Variants in SCAND3 observed in about 807,000 individuals in gnomAD.
SCAND3 encodes SCAN domain-containing protein 3.
At chr6:28,613,967 CTT>C in the SCAND3 span, among the ~76,000 whole-genome samples, 39 of 143,176 alleles carry the variant, frequency 2.7e-4, no homozygotes, top group Admixed American at 2.1e-4. Flanking sequence ...CTTTTCTTTT[CTT>C]TTTTTTTTTT....
the SCAND3 span, among the ~76,000 whole-genome samples, chr6:28,596,597 A>G: frequency 6.6e-6 from 1 of 151,448 alleles, no homozygotes; most frequent in African/African-American, 2.4e-5. Flanking sequence ...TCAAAAACTT[A>G]AATAAAATAA....
chr6:28,592,644 G>A, the SCAND3 span, among the ~76,000 whole-genome samples: 1 of 152,162 alleles, frequency 6.6e-6, no homozygotes, highest in Non-Finnish European at 1.5e-5. The surrounding 1 kb of genome is among the most constrained non-coding windows in gnomAD (Gnocchi z 4.1). Context: ...AATGAACAAA[G>A]CTGGAAGCAT....
At chr6:28,586,220 G>A in the SCAND3 span, 1 of 1,243,764 alleles carries the variant, frequency 8.0e-7, no homozygotes, top group Non-Finnish European at 1.1e-6. This position sits in a 1 kb window ranked among gnomAD's most constrained non-coding sequence, Gnocchi z 4.4. Flanking sequence ...AACCACCAGC[G>A]CGAAATTACT....
the SCAND3 span, among the ~76,000 whole-genome samples, chr6:28,615,746 C>G: frequency 1.4e-4 from 21 of 152,112 alleles, no homozygotes; most frequent in Admixed American, 1.4e-3. Context: ...GGCATAGGAC[C>G]TTCTTCTCGT....
At chr6:28,571,872 A>C in the SCAND3 span, 1 of 1,594,112 alleles carries the variant, frequency 6.3e-7, no homozygotes, top group Non-Finnish European at 8.5e-7. Context: ...TTATATGCAT[A>C]CTTTGAACCA....
At chr6:28,599,887 C>G in the SCAND3 span, among the ~76,000 whole-genome samples, 1 of 151,694 alleles carries the variant, frequency 6.6e-6, no homozygotes, top group Non-Finnish European at 1.5e-5. Context: ...TGGAGAAAAG[C>G]ATGATTTTTT....
the SCAND3 span, among the ~76,000 whole-genome samples, chr6:28,583,395 AAACAAAC>A: frequency 5.0e-5 from 7 of 139,872 alleles, no homozygotes; most frequent in East Asian, 2.4e-4. Context: ...ACAAACAAAC[AAACAAAC>A]AACAACAACA....
At chr6:28,608,442 C>T in the SCAND3 span, among the ~76,000 whole-genome samples, 106 of 152,180 alleles carry the variant, frequency 7.0e-4, no homozygotes, top group African/African-American at 2.4e-3. Context: ...GGCTGGTCCC[C>T]AACACATGTT....
chr6:28,588,504 C>T, the SCAND3 span, among the ~76,000 whole-genome samples: 1 of 152,178 alleles, frequency 6.6e-6, no homozygotes, highest in Non-Finnish European at 1.5e-5. The surrounding 1 kb of genome is among the most constrained non-coding windows in gnomAD (Gnocchi z 4.1). Context: ...AAAAAGTCAA[C>T]GTGGCAAGAA....
At chr6:28,587,723 A>G in the SCAND3 span, 1 of 151,950 alleles carries the variant, frequency 6.6e-6, no homozygotes, top group Non-Finnish European at 1.5e-5. Context: ...AATCAGACTT[A>G]AAAAGAAATG....
chr6:28,600,449 A>C, the SCAND3 span, among the ~76,000 whole-genome samples: 1 of 152,198 alleles, frequency 6.6e-6, no homozygotes, highest in South Asian at 2.1e-4. Context: ...CCTGGCCAAC[A>C]TGGCAAACCC....
At chr6:28,595,249 A>G in the SCAND3 span, among the ~76,000 whole-genome samples, 13 of 121,710 alleles carry the variant, frequency 1.1e-4, no homozygotes, top group South Asian at 1.9e-3. Flanking sequence ...AAGGAGGCTG[A>G]GTTGGGAGGA....
chr6:28,589,848 T>G, the SCAND3 span: 4 of 132,158 alleles, frequency 3.0e-5, no homozygotes, highest in African/African-American at 6.0e-5. Context: ...TTGTTTGTTT[T>G]TTTGTTTGTT....
the SCAND3 span, among the ~76,000 whole-genome samples, chr6:28,606,366 G>A: frequency 9.9e-5 from 15 of 152,242 alleles, no homozygotes; most frequent in African/African-American, 2.6e-4. Flanking sequence ...GTTGGGCTGG[G>A]CCAGCTCTTT....
chr6:28,613,665 A>T, the SCAND3 span, among the ~76,000 whole-genome samples: 10 of 152,198 alleles, frequency 6.6e-5, no homozygotes, highest in Non-Finnish European at 1.2e-4. Flanking sequence ...GAATTTCAAC[A>T]CAAAGTGTAC....
chr6:28,615,993 G>T, the SCAND3 span: 3 of 152,298 alleles, frequency 2.0e-5, no homozygotes, highest in East Asian at 5.8e-4. Flanking sequence ...TCTTGTAAAA[G>T]TTTTCGGGGA....
chr6:28,586,148 C>T, the SCAND3 span: 1 of 659,432 alleles, frequency 1.5e-6, no homozygotes, highest in Non-Finnish European at 2.7e-6. The surrounding 1 kb of genome is among the most constrained non-coding windows in gnomAD (Gnocchi z 4.4). Flanking sequence ...ATCTCATATG[C>T]ACGCATCTAT....
the SCAND3 span, among the ~76,000 whole-genome samples, chr6:28,610,522 AAAAG>A: frequency 6.6e-6 from 1 of 152,138 alleles, no homozygotes; most frequent in African/African-American, 2.4e-5. Flanking sequence ...AAACTCTGAA[AAAAG>A]AAAGAAAGAG....
chr6:28,607,160 G>A, the SCAND3 span, among the ~76,000 whole-genome samples: 2 of 152,180 alleles, frequency 1.3e-5, no homozygotes, highest in African/African-American at 4.8e-5. Context: ...GTGGTTGGGG[G>A]TGTAGCTCAG....
Sources: gnomAD v4.1 joint callset for allele counts (sites outside exome capture counted in the v4.1 genomes callset) on GRCh38, gnomAD v4.1.1 for gene constraint, Gnocchi (gnomAD v3.1) non-coding constraint, MANE v1.5 for transcripts, NCBI Gene and HGNC (gene_info 2026-07-23, HGNC 2026-07-21) for gene names.